The following RAD54L variants were observed in gnomAD, a reference collection of about 807,000 sequenced individuals.
RAD54L encodes the protein DNA repair and recombination protein RAD54-like.
RAD54L carries 74 observed loss-of-function variants against 91.6 expected under a neutral mutation model. The observed-to-expected ratio is 0.81, with a 90% confidence interval of 0.67 to 0.98. The LOEUF (loss-of-function observed/expected upper bound fraction) is 0.98. Among genes scored for constraint, RAD54L ranks in the 50% least tolerant of loss-of-function variants. The pLI is 0.00. For missense variants in RAD54L, 887 were observed against 945.7 expected (o/e 0.94, Z 0.81); for synonymous variants, 304 against 349.7 (o/e 0.87, Z 1.46).
At position 46,278,357 on chromosome 1, in the gene RAD54L, T is replaced by C; in HGVS notation, c.*75T>C. The C allele has an allele frequency of 4.1e-6, 6 of 1,460,970 alleles. No homozygotes were observed. The highest frequency in any genetic ancestry group is 1.2e-5 in the South Asian group (1 of 82,002). 90.5% of individuals were successfully genotyped at this position (1,460,970 alleles called of 1,614,324 possible). A position where few individuals can be genotyped will look rare whatever the true frequency, so the allele number is the denominator to read the frequency against. On this transcript the variant is annotated 3_prime_UTR_variant, in exon 18 of 18. Transcript: ENST00000371975. ...GGGCTCCTTGCTCCACAGGGCCCTG[T>C]TGAATTTTGTTCTCTGGGAGAAAAT...
intron 13 of RAD54L, 39 bp downstream of exon 13, chr1:46,273,504 G>A: frequency 6.2e-7 from 1 of 1,610,326 alleles, no homozygotes; most frequent in Non-Finnish European, 8.5e-7. Context: ...TTCTCTAGGA[G>A]GAGGGTGGGA....
At chr1:46,272,361 A>T (rs991267046) in intron 10 of RAD54L, 105 bp from the exon 11 acceptor site, 1 of 1,030,306 alleles carries the variant, frequency 9.7e-7, no homozygotes, top group Non-Finnish European at 1.5e-6. Context: ...GACATTTAAT[A>T]CTGTAAAAGA....
At position 46,277,985 on chromosome 1, in the gene RAD54L, G is replaced by A. The variant is rs2148308238; in HGVS notation, c.2033+5G>A. On this transcript the variant is annotated splice_donor_5th_base_variant and intron_variant, in intron 17 of 17. Transcript: ENST00000371975. Reference sequence around the variant, plus strand: ...CCTCAGTGACACACATGACAGGTGGGGAAGTGCCCTAACCATTATCTCTAA... The same window carrying A: ...CCTCAGTGACACACATGACAGGTGGAGAAGTGCCCTAACCATTATCTCTAA... 1 of 1,614,148 alleles carries A rather than the reference G, an allele frequency of 6.2e-7. No individual in the cohort carries two copies.
chr1:46,266,398 T>C (rs1370833146), intron 8 of RAD54L, among the ~76,000 whole-genome samples: 1 of 152,164 alleles, frequency 6.6e-6, no homozygotes, highest in Non-Finnish European at 1.5e-5. Context: ...TGATTCTTGG[T>C]TGAGTGGTTG....
In RAD54L at chr1:46,261,200, TTTTG is replaced by T; in HGVS notation, c.767-57_767-54del. 2.5e-6 allele frequency: 4 copies of T among 1,599,022 alleles called. No homozygotes were observed. The African/African-American group carries it at 4.1e-5, about 16-fold the overall frequency. On this transcript the variant is annotated intron_variant, in intron 7 of 17. Transcript: ENST00000371975. ...AATTAAAGAACTGTCTAATTGTTTT[TTTTG>T]TTTTTTTTTTTTTCAAAAGATTCTG...
At chr1:46,270,844 T>G in intron 10 of RAD54L, 59 bp downstream of exon 10, 1 of 1,607,162 alleles carries the variant, frequency 6.2e-7, no homozygotes, top group Non-Finnish European at 8.5e-7. Flanking sequence ...GGCCAATCCT[T>G]TGGGGGCTTT....
At chr1:46,248,478 C>A in intron 1 of RAD54L, 34 bp from the exon 2 acceptor site, 1 of 1,613,716 alleles carries the variant, frequency 6.2e-7, no homozygotes, top group Non-Finnish European at 8.5e-7. Flanking sequence ...GCTGCAGGAT[C>A]CTTGCAGGCA....
intron 13 of RAD54L, 74 bp from the exon 14 acceptor site, chr1:46,273,550 G>C: frequency 6.2e-7 from 1 of 1,611,724 alleles, no homozygotes; most frequent in Non-Finnish European, 8.5e-7. Context: ...CTGTTTCAAG[G>C]CAGGATATCA....
intron 16 of RAD54L, among the ~76,000 whole-genome samples, chr1:46,276,410 C>T (rs1013240890): frequency 2.0e-5 from 3 of 152,082 alleles, no homozygotes; most frequent in Non-Finnish European, 2.9e-5. Context: ...AGCGATCCAC[C>T]TTGGCCTTCC....
rs752931468 is a variant in RAD54L at position 46,272,679 on chromosome 1, C to T, written c.1252C>T (p.Pro418Ser). 1 of 1,614,104 alleles carries T rather than the reference C, an allele frequency of 6.2e-7. No homozygotes were observed. Among genetic ancestry groups the T allele is most frequent in the South Asian group, 1.1e-5 (1 of 91,084 alleles). ...IEQVVCCRLT[P>S]LQTELYKRFL... ...CCCAGCTGCCTTTTTTAGGCTGACACCCCTTCAGACTGAGTTATACAAGAG... is the reference window on the plus strand; with the variant it reads ...CCCAGCTGCCTTTTTTAGGCTGACATCCCTTCAGACTGAGTTATACAAGAG... Residue 418 changes from proline to serine, a missense_variant, in exon 12 of 18, where the codon CCC becomes TCC. Transcript: ENST00000371975.
intron 3 of RAD54L, among the ~76,000 whole-genome samples, chr1:46,255,220 AATT>A (rs1415127513): frequency 2.0e-5 from 3 of 152,136 alleles, no homozygotes. Context: ...GATAGGAGAT[AATT>A]AAGTCCATTT....
At position 46,260,771 on chromosome 1, in the gene RAD54L, T is replaced by C. The variant is rs762657701; in HGVS notation, c.522T>C (p.Pro174=). 1 of 1,614,222 alleles carries C rather than the reference T, an allele frequency of 6.2e-7. No homozygotes were observed. Among genetic ancestry groups the C allele is most frequent in the South Asian group, 1.1e-5 (1 of 91,086 alleles). The change falls in exon 7 of 18, where the codon CCT becomes CCC. Residue 174 remains proline, a synonymous_variant. Transcript: ENST00000371975. The part of the protein sequence containing the change: ...LWECVTSRRI[P]GSHGCIMADE... ...AGTGTGTCACCAGTCGGCGCATCCC[T>C]GGCAGCCATGGCTGCATCATGGCTG...
chr1:46,262,074 G>A (rs978613977), intron 8 of RAD54L, among the ~76,000 whole-genome samples: 5 of 151,574 alleles, frequency 3.3e-5, no homozygotes, highest in Admixed American at 6.6e-5. Flanking sequence ...CTGAGATTGC[G>A]CCACTGCACT....
At chr1:46,274,093 T>C (rs770199973) in intron 14 of RAD54L, 45 bp from the exon 15 acceptor site, 7 of 1,544,768 alleles carry the variant, frequency 4.5e-6, no homozygotes, top group African/African-American at 4.1e-5. Flanking sequence ...TTTTTCCCCC[T>C]AATCATTGAA....
intron 16 of RAD54L, chr1:46,277,406 G>A (rs1334693838): frequency 3.5e-6 from 1 of 289,246 alleles, no homozygotes; most frequent in Non-Finnish European, 6.7e-6. Flanking sequence ...GGAGCTAAAG[G>A]ATAGGGGATA....
Position 46,261,392 on chromosome 1 carries a change from G to C in RAD54L, c.891+7G>C. On this transcript the variant is annotated splice_region_variant and intron_variant, in intron 8 of 17. Coordinates refer to ENST00000371975, the MANE Select transcript of RAD54L (RefSeq NM_003579.4). ...TCTGGTCATATGTGACGAGGTACTT[G>C]ACTCTCAGCAGTCTGGGTGGTAGGA... is the stretch of plus-strand genomic sequence containing the variant. The C allele has an allele frequency of 6.2e-7, 1 of 1,614,024 alleles. No individual in the cohort carries two copies. The highest frequency in any genetic ancestry group is 1.3e-5 in the African/African-American group (1 of 74,988).
intron 3 of RAD54L, among the ~76,000 whole-genome samples, chr1:46,258,305 CAAAA>C (rs56952108): frequency 4.5e-5 from 4 of 89,022 alleles, no homozygotes; most frequent in Admixed American, 1.2e-4. Context: ...CTGATGTAGC[CAAAA>C]AAAAAAAAAA....
In RAD54L at chr1:46,248,033, A is replaced by ACCCCCCCCC; in HGVS notation, c.-373_-372insCCCCCCCCC. The ACCCCCCCCC allele has an allele frequency of 4.3e-6, 1 of 231,680 alleles. No individual in the cohort carries two copies. Among genetic ancestry groups the ACCCCCCCCC allele is most frequent in the Non-Finnish European group, 8.5e-6 (1 of 118,156 alleles). 14.4% of individuals were successfully genotyped at this position (231,680 alleles called of 1,614,324 possible). A position where few individuals can be genotyped will look rare whatever the true frequency, so the allele number is the denominator to read the frequency against. Reference sequence around the variant, plus strand: ...CCTGGCCAGTGATTACCCACCCCCAATCCCACCCCGCCCCGCCGCGCAACT... The same window carrying ACCCCCCCCC: ...CCTGGCCAGTGATTACCCACCCCCAACCCCCCCCCTCCCACCCCGCCCCGCCGCGCAACT... On this transcript the variant is annotated 5_prime_UTR_variant, in exon 1 of 18. Transcript: ENST00000371975.
At chr1:46,268,775 G>T (rs932648741) in intron 9 of RAD54L, among the ~76,000 whole-genome samples, 11 of 152,120 alleles carry the variant, frequency 7.2e-5, no homozygotes, top group Non-Finnish European at 2.9e-5. Context: ...CTACTGGTTT[G>T]GTTTTGTTTG....
Sources: allele counts gnomAD v4.1 joint callset (sites outside exome capture counted in the v4.1 genomes callset), GRCh38; gene constraint gnomAD v4.1.1; transcripts MANE v1.5; gene names NCBI Gene and HGNC (gene_info 2026-07-23, HGNC 2026-07-21).